CTNNA3: variants seen among roughly 807,000 people sequenced by gnomAD.
The protein encoded by CTNNA3 is catenin alpha-3.
Under a neutral mutation model 95.7 loss-of-function variants are expected in CTNNA3, and 76 were observed. The ratio of observed to expected loss-of-function variants is 0.79; its 90% CI spans 0.66 to 0.96. The LOEUF (loss-of-function observed/expected upper bound fraction) is 0.96, where lower values mean the gene tolerates loss of function less well. Among genes scored for constraint, CTNNA3 ranks in the 40% least tolerant of loss-of-function variants. The pLI, the probability that CTNNA3 is intolerant of heterozygous loss-of-function variation, is 0.00. For missense variants in CTNNA3, 1,191 were observed against 1,089.8 expected, an observed-to-expected ratio of 1.09 and a Z score of -1.31; for synonymous variants, 431 against 374.4, an observed-to-expected ratio of 1.15 and a Z score of -1.74.
At chr10:67,430,224 C>T (rs900777046) in intron 5 of CTNNA3, among the ~76,000 whole-genome samples, 1 of 151,964 alleles carries the variant, frequency 6.6e-6, no homozygotes, top group African/African-American at 2.4e-5. Flanking sequence ...AAACAATTCA[C>T]AATTACCCAA....
intron 7 of CTNNA3, among the ~76,000 whole-genome samples, chr10:67,177,846 T>A (rs1489263099): frequency 1.3e-5 from 2 of 152,176 alleles, no homozygotes; most frequent in African/African-American, 4.8e-5. Flanking sequence ...ATTAGTTCAG[T>A]CCAATTTGCT....
At chr10:66,996,649 C>CATAAAAAAAAAAA (rs1851364318) in intron 7 of CTNNA3, among the ~76,000 whole-genome samples, 1 of 67,644 alleles carries the variant, frequency 1.5e-5, no homozygotes, top group Non-Finnish European at 2.5e-5. Context: ...TCCGTCTCTA[C>CATAAAAAAAAAAA]AAAAAAAAAA....
intron 7 of CTNNA3, among the ~76,000 whole-genome samples, chr10:66,930,107 G>A (rs1847293758): frequency 6.6e-6 from 1 of 151,856 alleles, no homozygotes; most frequent in South Asian, 2.1e-4. Context: ...AAAAATCTAG[G>A]CAAGTCACCA....
intron 13 of CTNNA3, among the ~76,000 whole-genome samples, chr10:66,143,586 T>C (rs936749541): frequency 1.3e-5 from 2 of 152,318 alleles, no homozygotes; most frequent in Middle Eastern, 3.4e-3. Flanking sequence ...TTTAAATGGC[T>C]ACAATAACTT....
At chr10:66,098,201 C>A (rs1278305551) in intron 14 of CTNNA3, 1 of 152,132 alleles carries the variant, frequency 6.6e-6, no homozygotes, top group Non-Finnish European at 1.5e-5. Flanking sequence ...CTTTCTAGTA[C>A]AGCAATTTAT....
intron 7 of CTNNA3, among the ~76,000 whole-genome samples, chr10:67,056,553 AG>A (rs1431151680): frequency 6.6e-6 from 1 of 152,206 alleles, no homozygotes; most frequent in Non-Finnish European, 1.5e-5. Flanking sequence ...ATCAAAGGAC[AG>A]GTTTGAATAC....
chr10:66,009,388 T>C (rs1187474618), intron 15 of CTNNA3, among the ~76,000 whole-genome samples: 1 of 152,192 alleles, frequency 6.6e-6, no homozygotes, highest in African/African-American at 2.4e-5. Flanking sequence ...TGTTGAAAGC[T>C]ACAGAACAAG....
intron 11 of CTNNA3, among the ~76,000 whole-genome samples, chr10:66,496,679 A>T (rs2131952139): frequency 6.6e-6 from 1 of 152,274 alleles, no homozygotes; most frequent in African/African-American, 2.4e-5. Context: ...TCACTGAAAC[A>T]AAACTTTTAG....
At chr10:66,317,418 A>T (rs754924535) in intron 12 of CTNNA3, among the ~76,000 whole-genome samples, 9 of 152,092 alleles carry the variant, frequency 5.9e-5, no homozygotes, top group Admixed American at 2.0e-4. Context: ...TCACACCTGT[A>T]ATCCCAGCAC....
intron 7 of CTNNA3, among the ~76,000 whole-genome samples, chr10:66,952,639 A>G (rs764600136): frequency 1.3e-5 from 2 of 152,112 alleles, no homozygotes; most frequent in Non-Finnish European, 2.9e-5. Flanking sequence ...AATTAATTCT[A>G]AGTTGACATT....
At chr10:67,189,519 G>A (rs1863022476) in intron 6 of CTNNA3, among the ~76,000 whole-genome samples, 1 of 141,930 alleles carries the variant, frequency 7.0e-6, no homozygotes. Flanking sequence ...GCATATGTTA[G>A]TTTCATTTAG....
chr10:66,197,414 T>C (rs765609714), intron 13 of CTNNA3, among the ~76,000 whole-genome samples: 1 of 152,116 alleles, frequency 6.6e-6, no homozygotes, highest in African/African-American at 2.4e-5. Context: ...TCCAGGTTCA[T>C]ACATGCAAAA....
chr10:66,717,273 TA>T (rs1186954937), intron 9 of CTNNA3, among the ~76,000 whole-genome samples: 5 of 152,086 alleles, frequency 3.3e-5, no homozygotes, highest in Admixed American at 3.3e-4. Flanking sequence ...CTGACACAGG[TA>T]AATAATTCCA....
intron 5 of CTNNA3, among the ~76,000 whole-genome samples, chr10:67,303,276 AG>A (rs1479085508): frequency 6.6e-6 from 1 of 152,198 alleles, no homozygotes; most frequent in African/African-American, 2.4e-5. Context: ...CAAGAGACCC[AG>A]GCTACCCTAG....
At chr10:66,203,878 T>C (rs539438808) in intron 13 of CTNNA3, among the ~76,000 whole-genome samples, 17 of 152,272 alleles carry the variant, frequency 1.1e-4, no homozygotes, top group African/African-American at 3.8e-4. Context: ...TTTATATTCA[T>C]ATTACTGCTT....
chr10:66,628,157 T>C (rs1034023769), intron 9 of CTNNA3, among the ~76,000 whole-genome samples: 1 of 152,300 alleles, frequency 6.6e-6, no homozygotes, highest in African/African-American at 2.4e-5. Context: ...AAATAGCATT[T>C]CATCTATGTA....
chr10:66,253,643 T>G (rs1323666635), intron 13 of CTNNA3, among the ~76,000 whole-genome samples: 1 of 152,176 alleles, frequency 6.6e-6, no homozygotes, highest in Non-Finnish European at 1.5e-5. Flanking sequence ...AAGGTTTCTT[T>G]CACAATAGTT....
intron 10 of CTNNA3, among the ~76,000 whole-genome samples, chr10:66,595,244 A>C (rs1453696473): frequency 6.6e-6 from 1 of 152,124 alleles, no homozygotes; most frequent in Non-Finnish European, 1.5e-5. Context: ...CCAAGTGCCA[A>C]GAGAGACCCA....
chr10:66,434,800 T>C (rs1460716009), intron 11 of CTNNA3, among the ~76,000 whole-genome samples: 4 of 152,214 alleles, frequency 2.6e-5, no homozygotes, highest in Non-Finnish European at 5.9e-5. Context: ...ATAGCTCTTA[T>C]TATTTTGAGA....
Sources: gnomAD v4.1 joint callset for allele counts (sites outside exome capture counted in the v4.1 genomes callset) on GRCh38, gnomAD v4.1.1 for gene constraint, MANE v1.5 for transcripts, NCBI Gene and HGNC (gene_info 2026-07-23, HGNC 2026-07-21) for gene names.